PID1: variants seen among roughly 807,000 people sequenced by gnomAD.
PID1 encodes the protein phosphotyrosine interaction domain containing 1, also known as PTB-containing, cubilin and LRP1-interacting protein.
In PID1, 10 loss-of-function variants were observed where a neutral mutation model predicts 19.1. The ratio of observed to expected loss-of-function variants is 0.52; its 90% CI spans 0.32 to 0.89. The LOEUF is 0.89. Among genes scored for constraint, PID1 ranks in the 40% least tolerant of loss-of-function variants. The pLI is 0.03. For missense variants in PID1, 248 were observed against 285.3 expected, an observed-to-expected ratio of 0.87 and a Z score of 0.94; for synonymous variants, 130 against 116.0, an observed-to-expected ratio of 1.12 and a Z score of -0.78.
At chr2:229,224,253 C>T (rs1050141618) in intron 1 of PID1, among the ~76,000 whole-genome samples, 1 of 152,064 alleles carries the variant, frequency 6.6e-6, no homozygotes, top group Non-Finnish European at 1.5e-5. Flanking sequence ...TAGTTCAGCC[C>T]CTGTGGAAAG....
chr2:229,098,639 A>G (rs1013081426), intron 2 of PID1, among the ~76,000 whole-genome samples: 4 of 152,174 alleles, frequency 2.6e-5, no homozygotes, highest in Non-Finnish European at 5.9e-5. Context: ...TTAATATGTG[A>G]GAGTGCTGTT....
At chr2:229,079,375 T>G (rs1259542873) in intron 2 of PID1, among the ~76,000 whole-genome samples, 1 of 152,260 alleles carries the variant, frequency 6.6e-6, no homozygotes, top group Non-Finnish European at 1.5e-5. Flanking sequence ...ATTTTTTAAT[T>G]TAAAAATAAC....
chr2:229,167,502 G>T (rs1690623989), intron 1 of PID1, among the ~76,000 whole-genome samples: 1 of 152,078 alleles, frequency 6.6e-6, no homozygotes, highest in Non-Finnish European at 1.5e-5. Context: ...CAAACTGAGA[G>T]ACACTGTCAA....
chr2:229,254,871 G>A (rs1690251395), intron 1 of PID1, among the ~76,000 whole-genome samples: 1 of 152,098 alleles, frequency 6.6e-6, no homozygotes, highest in Admixed American at 6.5e-5. Context: ...TTTATATTCT[G>A]TGGGCAGCAC....
chr2:229,112,578 C>A (rs560468363), intron 2 of PID1, among the ~76,000 whole-genome samples: 1 of 152,238 alleles, frequency 6.6e-6, no homozygotes, highest in Non-Finnish European at 1.5e-5. Context: ...TTCTGCCTCC[C>A]GGGTTCATGC....
At chr2:229,125,044 C>T (rs183865286) in intron 2 of PID1, among the ~76,000 whole-genome samples, 24 of 152,232 alleles carry the variant, frequency 1.6e-4, no homozygotes, top group African/African-American at 3.1e-4. Flanking sequence ...TTACCAATAT[C>T]GAGGTCCTAT....
chr2:229,124,201 A>C (rs1186429511), intron 2 of PID1, among the ~76,000 whole-genome samples: 1 of 152,192 alleles, frequency 6.6e-6, no homozygotes, highest in East Asian at 1.9e-4. Context: ...CCTAACAAGG[A>C]GTTTCAAAAG....
chr2:229,234,949 G>T (rs1172707912), intron 1 of PID1, among the ~76,000 whole-genome samples: 1 of 152,196 alleles, frequency 6.6e-6, no homozygotes, highest in Non-Finnish European at 1.5e-5. Flanking sequence ...TACAAGTCCA[G>T]TTTTCTAAAT....
intron 2 of PID1, among the ~76,000 whole-genome samples, chr2:229,138,442 A>G (rs11900240): frequency 0.22 from 33,207 of 151,936 alleles, 4,102 homozygotes; most frequent in South Asian, 0.48. Flanking sequence ...TCTAGTACTC[A>G]GTAAAATACC....
At chr2:229,089,732 A>G (rs1694833504) in intron 2 of PID1, among the ~76,000 whole-genome samples, 1 of 152,196 alleles carries the variant, frequency 6.6e-6, no homozygotes, top group Non-Finnish European at 1.5e-5. Flanking sequence ...TTGTCTAGAA[A>G]GGGAGTCTTT....
At chr2:229,182,439 A>G (rs1372817584) in intron 1 of PID1, among the ~76,000 whole-genome samples, 2 of 152,166 alleles carry the variant, frequency 1.3e-5, no homozygotes, top group African/African-American at 4.8e-5. Flanking sequence ...CTAGAACAAC[A>G]GTTGAGTGAT....
chr2:229,079,527 T>C (rs1694629353), intron 2 of PID1, among the ~76,000 whole-genome samples: 1 of 152,198 alleles, frequency 6.6e-6, no homozygotes, highest in African/African-American at 2.4e-5. Context: ...CCATTTTGGT[T>C]TCTACAATTT....
intron 2 of PID1, among the ~76,000 whole-genome samples, chr2:229,128,869 G>A (rs1166089776): frequency 3.9e-5 from 6 of 152,114 alleles, no homozygotes; most frequent in Admixed American, 1.3e-4. Context: ...TAACTGAATC[G>A]TACATTTTAA....
chr2:229,167,052 G>A (rs909321753), intron 1 of PID1, among the ~76,000 whole-genome samples: 1 of 150,964 alleles, frequency 6.6e-6, no homozygotes, highest in African/African-American at 2.4e-5. Context: ...AGGAAAGAAA[G>A]GGAAAGAAGA....
intron 2 of PID1, among the ~76,000 whole-genome samples, chr2:229,150,352 A>C (rs1218712311): frequency 6.6e-6 from 1 of 152,116 alleles, no homozygotes; most frequent in Admixed American, 6.6e-5. Flanking sequence ...GGCCAGGAGA[A>C]GCAACCCCCT....
At chr2:229,029,078 G>A (rs1479867715) in intron 2 of PID1, among the ~76,000 whole-genome samples, 2 of 151,938 alleles carry the variant, frequency 1.3e-5, no homozygotes, top group Non-Finnish European at 2.9e-5. Flanking sequence ...CACCAGGAGG[G>A]GGAGGGTTGC....
chr2:229,260,781 T>C (rs1051084144), intron 1 of PID1, among the ~76,000 whole-genome samples: 5 of 150,830 alleles, frequency 3.3e-5, no homozygotes, highest in Non-Finnish European at 4.4e-5. Context: ...GTAGTAGACA[T>C]GACATGGAGC....
intron 2 of PID1, among the ~76,000 whole-genome samples, chr2:229,094,213 T>C (rs1694930512): frequency 2.0e-5 from 3 of 151,746 alleles, no homozygotes; most frequent in African/African-American, 7.3e-5. Flanking sequence ...AAAAATAAAA[T>C]ACCTAGGAAT....
chr2:229,189,985 G>T (rs1431628735), intron 1 of PID1, among the ~76,000 whole-genome samples: 2 of 152,162 alleles, frequency 1.3e-5, no homozygotes, highest in Non-Finnish European at 2.9e-5. Context: ...GCCTCAGTTT[G>T]ATGCCAGTAT....
Sources: gnomAD v4.1 joint callset for allele counts (sites outside exome capture counted in the v4.1 genomes callset) on GRCh38, gnomAD v4.1.1 for gene constraint, MANE v1.5 for transcripts, NCBI Gene and HGNC (gene_info 2026-07-23, HGNC 2026-07-21) for gene names.